The following EIF5 variants were observed in gnomAD, a reference collection of about 807,000 sequenced individuals.
EIF5 encodes eukaryotic translation initiation factor 5.
EIF5 carries 10 observed loss-of-function variants against 48.3 expected under a neutral mutation model. That is an observed-to-expected ratio of 0.21 (90% CI 0.13 to 0.35). The LOEUF is 0.35. Among genes scored for constraint, EIF5 ranks in the 10% least tolerant of loss-of-function variants. EIF5 has a pLI of 1.00. For missense variants in EIF5, 397 were observed against 533.2 expected, an observed-to-expected ratio of 0.74 and a Z score of 2.51; for synonymous variants, 237 against 173.1, an observed-to-expected ratio of 1.37 and a Z score of -2.90.
At position 103,342,253 on chromosome 14, in the gene EIF5, T is replaced by C. The variant is rs753114069; in HGVS notation, c.*1201T>C. On this transcript the variant is annotated 3_prime_UTR_variant, in exon 12 of 12. Coordinates refer to ENST00000216554, the MANE Select transcript of EIF5 (RefSeq NM_001969.5). ...GGGATATTTTTTACTTCACATTGAATATAGCCAGGCACCCAAGAAGTCTGA... is the reference window on the plus strand; with the variant it reads ...GGGATATTTTTTACTTCACATTGAACATAGCCAGGCACCCAAGAAGTCTGA... 6 of 152,434 alleles carry C rather than the reference T, an allele frequency of 3.9e-5. No individual in the cohort carries two copies. Among genetic ancestry groups the C allele is most frequent in the Non-Finnish European group, 7.3e-5 (5 of 68,038 alleles). 9.4% of individuals were successfully genotyped at this position (152,434 alleles called of 1,614,324 possible). A position where few individuals can be genotyped will look rare whatever the true frequency, so the allele number is the denominator to read the frequency against.
chr14:103,343,857 C>T lies in EIF5; in HGVS notation c.*2805C>T, dbSNP rs538002675. 1.3e-5 allele frequency: 2 copies of T among 152,322 alleles called. No individual in the cohort carries two copies. The highest frequency in any genetic ancestry group is 2.1e-4 in the South Asian group (1 of 4,828). The allele number at this position is 152,322 out of a possible 1,614,324, so 9.4% of individuals were successfully genotyped here. A position where few individuals can be genotyped will look rare whatever the true frequency, so the allele number is the denominator to read the frequency against. On this transcript the variant is annotated 3_prime_UTR_variant, in exon 12 of 12. Coordinates refer to ENST00000216554, the MANE Select transcript of EIF5 (RefSeq NM_001969.5). ...ATTTTAAATTTATTTGACAAGTCTG[C>T]AGACAATCCTTATCTAACCAGCTAT...
Position 103,340,474 on chromosome 14 carries a change from C to T in EIF5, c.1119C>T (p.Val373=). The T allele has an allele frequency of 6.2e-7, 1 of 1,610,226 alleles. No individual in the cohort carries two copies. The highest frequency in any genetic ancestry group is 2.2e-5 in the East Asian group (1 of 44,780). The change falls in exon 11 of 12, where the codon GTC becomes GTT. Residue 373 remains valine, a synonymous_variant. Transcript: ENST00000216554. ...VSKELAKEIR[V]KAEPFIKWLK... ...AAGAACTTGCCAAAGAGATTCGTGT[C>T]AAAGCAGAACCATTTATAAAATGGT...
chr14:103,337,079 GTTATA>G, intron 5 of EIF5, 32 bp from the exon 6 acceptor site: 6 of 1,570,178 alleles, frequency 3.8e-6, no homozygotes, highest in Non-Finnish European at 5.2e-6. Context: ...ATATTTTCAT[GTTATA>G]TTATGGATAA....
At chr14:103,337,954 C>T (rs201174936) in intron 6 of EIF5, 63 of 533,576 alleles carry the variant, frequency 1.2e-4, no homozygotes, top group Middle Eastern at 6.3e-4. Flanking sequence ...TGAGACAAGC[C>T]GTTATATAGA....
intron 9 of EIF5, 86 bp from the exon 10 acceptor site, chr14:103,339,553 A>C: frequency 6.3e-7 from 1 of 1,583,848 alleles, no homozygotes; most frequent in Non-Finnish European, 8.6e-7. Flanking sequence ...TGGGCCATGC[A>C]CTTGCAGACA....
intron 6 of EIF5, 167 bp downstream of exon 6, chr14:103,337,394 C>T (rs2089299824): frequency 5.1e-6 from 3 of 591,796 alleles, no homozygotes; most frequent in Non-Finnish European, 8.7e-6. Context: ...CACTTGAGGC[C>T]AGGAGTTCAA....
chr14:103,340,266 A>G, intron 10 of EIF5, 161 bp from the exon 11 acceptor site: 1 of 736,288 alleles, frequency 1.4e-6, no homozygotes, highest in Non-Finnish European at 2.3e-6. Flanking sequence ...TTGTAGTCAT[A>G]ACAGACTGCT....
At position 103,339,284 on chromosome 14, in the gene EIF5, A is replaced by G. The variant is rs2140361504; in HGVS notation, c.857A>G (p.Asn286Ser). The G allele has an allele frequency of 6.2e-7, 1 of 1,610,678 alleles. No individual in the cohort carries two copies. Among genetic ancestry groups the G allele is most frequent in the Non-Finnish European group, 8.5e-7 (1 of 1,179,224 alleles). Residue 286 changes from asparagine to serine, a missense_variant, in exon 9 of 12, where the codon AAT becomes AGT. Transcript: ENST00000216554. ...GPLVLTEVLF[N>S]EKIREQIKKY... ...CTTGTTCTAACTGAAGTTCTTTTTAATGAGAAGATTAGAGAACAGATTAAG... is the reference window on the plus strand; with the variant it reads ...CTTGTTCTAACTGAAGTTCTTTTTAGTGAGAAGATTAGAGAACAGATTAAG...
intron 11 of EIF5, 81 bp from the exon 12 acceptor site, chr14:103,340,882 C>A: frequency 7.0e-7 from 1 of 1,431,594 alleles, no homozygotes; most frequent in Non-Finnish European, 9.8e-7. Context: ...CAGTTTCCTC[C>A]TCTGTGACCA....
intron 11 of EIF5, 43 bp from the exon 12 acceptor site, chr14:103,340,919 CA>C: frequency 6.3e-7 from 1 of 1,577,512 alleles, no homozygotes; most frequent in Non-Finnish European, 8.7e-7. Context: ...GTTTTATAAA[CA>C]GATTTATCAG....
At chr14:103,339,102 G>A (rs1342835586) in intron 8 of EIF5, 70 bp from the exon 9 acceptor site, 1 of 1,540,786 alleles carries the variant, frequency 6.5e-7, no homozygotes, top group Non-Finnish European at 8.7e-7. Flanking sequence ...TCAGAGCAGG[G>A]ACTGGCTGGT....
chr14:103,338,553 G>C (rs1462788264), intron 7 of EIF5, 81 bp downstream of exon 7: 19 of 1,508,042 alleles, frequency 1.3e-5, no homozygotes, highest in Non-Finnish European at 1.6e-5. Flanking sequence ...TGGAAATGTT[G>C]AAACTAGCCT....
Position 103,343,732 on chromosome 14 carries a change from A to G in EIF5, c.*2680A>G, listed in dbSNP as rs777067826. 1 of 152,156 alleles carries G rather than the reference A, an allele frequency of 6.6e-6. No homozygotes were observed. The highest frequency in any genetic ancestry group is 1.5e-5 in the Non-Finnish European group (1 of 68,040). The allele number at this position is 152,156 out of a possible 1,614,324, so 9.4% of individuals were successfully genotyped here. On this transcript the variant is annotated 3_prime_UTR_variant, in exon 12 of 12. Transcript: ENST00000216554. ...GCAAAAAGCAGATAAGTGAGTTTGA[A>G]CCTTTTGCATTTTGTTAGCTCAGTC...
intron 11 of EIF5, 127 bp from the exon 12 acceptor site, chr14:103,340,834 CAG>C (rs2089344969): frequency 1.3e-5 from 13 of 996,026 alleles, no homozygotes; most frequent in Non-Finnish European, 1.8e-5. Flanking sequence ...GTTTGCATAA[CAG>C]AGCTGTTCCG....
Position 103,335,809 on chromosome 14 carries a change from G to A in EIF5, c.-52G>A, listed in dbSNP as rs1595362016. The A allele has an allele frequency of 1.3e-6, 2 of 1,558,822 alleles. No homozygotes were observed. Among genetic ancestry groups the A allele is most frequent in the Non-Finnish European group, 1.8e-6 (2 of 1,132,934 alleles). On this transcript the variant is annotated 5_prime_UTR_variant, in exon 3 of 12. Coordinates refer to ENST00000216554, the MANE Select transcript of EIF5 (RefSeq NM_001969.5). ...TTCTCCAGACAGAAGATACCAAAAAGTTGCAATCAAAGATCTCTTCATCTT... is the reference window on the plus strand; with the variant it reads ...TTCTCCAGACAGAAGATACCAAAAAATTGCAATCAAAGATCTCTTCATCTT...
At position 103,342,993 on chromosome 14, in the gene EIF5, T is replaced by A. The variant is rs1200803729; in HGVS notation, c.*1941T>A. 1 of 152,598 alleles carries A rather than the reference T, an allele frequency of 6.6e-6. No individual in the cohort carries two copies. Among genetic ancestry groups the A allele is most frequent in the Non-Finnish European group, 1.5e-5 (1 of 68,020 alleles). The allele number at this position is 152,598 out of a possible 1,614,324, so 9.5% of individuals were successfully genotyped here. A position where few individuals can be genotyped will look rare whatever the true frequency, so the allele number is the denominator to read the frequency against. On this transcript the variant is annotated 3_prime_UTR_variant, in exon 12 of 12. Transcript: ENST00000216554. ...TCAGGGCTTCTAGAACACTAAAAAATTTGGCTTAAACCAGTGTTCAGTCTG... is the reference window on the plus strand; with the variant it reads ...TCAGGGCTTCTAGAACACTAAAAAAATTGGCTTAAACCAGTGTTCAGTCTG...
Position 103,335,901 on chromosome 14 carries a change from A to G in EIF5, c.41A>G (p.Tyr14Cys), listed in dbSNP as rs767135746. 7.4e-6 allele frequency: 12 copies of G among 1,614,130 alleles called. No homozygotes were observed. Among genetic ancestry groups the G allele is most frequent in the Non-Finnish European group, 1.0e-5 (12 of 1,180,054 alleles). ...AACCGCAGCGTGTCAGACCAGTTCT[A>G]TCGCTACAAGATGCCCCGTCTGATT... ...NVNRSVSDQF[Y>C]RYKMPRLIAK... The change falls in exon 3 of 12, where the codon TAT (tyrosine) becomes TGT (cysteine). Residue 14 changes from tyrosine to cysteine, a missense_variant. This residue lies in a region of EIF5 where 108 missense variants were observed against 188.3 expected (regional missense o/e 0.57). Transcript: ENST00000216554.
Position 103,343,809 on chromosome 14 carries a change from T to C in EIF5, c.*2757T>C, listed in dbSNP as rs375830598. On this transcript the variant is annotated 3_prime_UTR_variant, in exon 12 of 12. Coordinates refer to ENST00000216554, the MANE Select transcript of EIF5 (RefSeq NM_001969.5). ...GGTACTGTTGTACCAAGGTCACTTATCTAACAAAATAACCCTTCATGTATT... is the reference window on the plus strand; with the variant it reads ...GGTACTGTTGTACCAAGGTCACTTACCTAACAAAATAACCCTTCATGTATT... 4.6e-5 allele frequency: 7 copies of C among 152,374 alleles called. No individual in the cohort carries two copies. The highest frequency in any genetic ancestry group is 1.0e-4 in the Non-Finnish European group (7 of 68,038). 9.4% of individuals were successfully genotyped at this position (152,374 alleles called of 1,614,324 possible). A position where few individuals can be genotyped will look rare whatever the true frequency, so the allele number is the denominator to read the frequency against.
At chr14:103,337,072 T>C (rs1266269600) in intron 5 of EIF5, 44 bp from the exon 6 acceptor site, 9 of 1,557,984 alleles carry the variant, frequency 5.8e-6, no homozygotes, top group South Asian at 3.5e-5. Flanking sequence ...TGATTAGATA[T>C]TTTCATGTTA....
Sources: gnomAD v4.1 joint callset for allele counts on GRCh38, gnomAD v4.1.1 for gene constraint, gnomAD v4.1.1 regional missense constraint, MANE v1.5 for transcripts, NCBI Gene and HGNC (gene_info 2026-07-23, HGNC 2026-07-21) for gene names.